Variants in BBS9 observed in about 807,000 individuals in gnomAD.
BBS9 encodes Bardet-Biedl syndrome 9.
A neutral mutation model predicts 117.7 loss-of-function variants in BBS9; 89 were observed. The observed-to-expected ratio is 0.76, with a 90% CI of 0.64 to 0.90. The LOEUF (loss-of-function observed/expected upper bound fraction) is 0.90, where lower values mean the gene tolerates loss of function less well. BBS9 is among the 40% of genes least tolerant of loss of function. BBS9 has a pLI of 0.00. For synonymous variants in BBS9, 379 were observed against 370.9 expected (o/e 1.02, Z -0.25); for missense variants, 982 against 1,042.2 (o/e 0.94, Z 0.80).
chr7:33,164,698 T>C (rs1344188113), intron 4 of BBS9, among the ~76,000 whole-genome samples: 1 of 152,184 alleles, frequency 6.6e-6, no homozygotes, highest in South Asian at 2.1e-4. Context: ...TCTTCCTTTA[T>C]CCTTTTATTT....
At chr7:33,298,853 G>C (rs1018894840) in intron 9 of BBS9, among the ~76,000 whole-genome samples, 48 of 152,282 alleles carry the variant, frequency 3.2e-4, no homozygotes, top group East Asian at 5.8e-4. Flanking sequence ...AGGCGAGGCT[G>C]AACTACTGGT....
chr7:33,269,182 A>G (rs541070662), intron 7 of BBS9, among the ~76,000 whole-genome samples: 1 of 152,172 alleles, frequency 6.6e-6, no homozygotes, highest in Non-Finnish European at 1.5e-5. Flanking sequence ...TCTAAAGTAG[A>G]TGAATACCTA....
chr7:33,621,630 T>C (rs1865410746), intron 21 of BBS9, among the ~76,000 whole-genome samples: 1 of 152,108 alleles, frequency 6.6e-6, no homozygotes, highest in African/African-American at 2.4e-5. Context: ...ATGGAGATTC[T>C]TAAAAAAATT....
At chr7:33,463,647 C>T (rs970040465) in intron 19 of BBS9, among the ~76,000 whole-genome samples, 3 of 151,958 alleles carry the variant, frequency 2.0e-5, no homozygotes, top group Non-Finnish European at 2.9e-5. Flanking sequence ...CTAGTACAAT[C>T]GGGTTTATAG....
intron 4 of BBS9, among the ~76,000 whole-genome samples, chr7:33,166,688 C>G (rs147653089): frequency 6.6e-6 from 1 of 152,348 alleles, no homozygotes; most frequent in Non-Finnish European, 1.5e-5. Context: ...TCCACCTAGC[C>G]AGGCGTGGGA....
At chr7:33,394,598 G>A (rs1219868602) in intron 19 of BBS9, among the ~76,000 whole-genome samples, 2 of 152,108 alleles carry the variant, frequency 1.3e-5, no homozygotes, top group Non-Finnish European at 2.9e-5. Context: ...CATTCTTTTT[G>A]AAAGAATTTT....
chr7:33,476,723 G>C (rs1161095186), intron 19 of BBS9, among the ~76,000 whole-genome samples: 2 of 152,100 alleles, frequency 1.3e-5, no homozygotes, highest in Non-Finnish European at 2.9e-5. Context: ...TACTCAAAAT[G>C]GTTTGTTTTC....
chr7:33,341,865 G>A (rs948741361), intron 11 of BBS9, among the ~76,000 whole-genome samples: 6 of 152,030 alleles, frequency 3.9e-5, no homozygotes, highest in Admixed American at 6.6e-5. Context: ...CACTTGTTAG[G>A]ATGTGATTGA....
intron 19 of BBS9, among the ~76,000 whole-genome samples, chr7:33,397,440 C>A (rs1033704923): frequency 1.3e-5 from 2 of 152,102 alleles, no homozygotes; most frequent in African/African-American, 4.8e-5. Flanking sequence ...GGCAGAAATA[C>A]CATTTGACCG....
intron 19 of BBS9, among the ~76,000 whole-genome samples, chr7:33,488,700 A>T (rs895470668): frequency 6.6e-6 from 1 of 152,210 alleles, no homozygotes; most frequent in African/African-American, 2.4e-5. Flanking sequence ...CTCAAAAAAC[A>T]TGTAATCTAA....
intron 9 of BBS9, among the ~76,000 whole-genome samples, chr7:33,275,961 G>A (rs139487503): frequency 6.0e-4 from 91 of 152,042 alleles, no homozygotes; most frequent in African/African-American, 2.0e-3. Context: ...TTTTATTTTC[G>A]GTACCTGTGA....
rs185226383 is a variant in BBS9 at position 33,191,778 on chromosome 7, G to A, written c.442+14187G>A. On this transcript the variant is annotated intron_variant, in intron 5 of 22. Coordinates refer to ENST00000242067, the MANE Select transcript of BBS9 (RefSeq NM_198428.3). ...TTGGTATGCATAGATATTTAAATTC[G>A]GGGGCATGTCTCAAATTATTTACAG... Among the ~76,000 whole-genome samples the A allele has an allele frequency of 2.6e-4, 39 of 152,162 alleles. 1 individual carries two copies. Among genetic ancestry groups the A allele is most frequent in the African/African-American group, 8.7e-4 (36 of 41,512 alleles).
intron 20 of BBS9, 39 bp downstream of exon 20, chr7:33,505,684 T>A: frequency 6.2e-7 from 1 of 1,605,760 alleles, no homozygotes; most frequent in Non-Finnish European, 8.5e-7. Flanking sequence ...CAGCCAGCAT[T>A]ATTGAAGTTT....
At chr7:33,609,172 G>A (rs1022711511), downstream of BBS9, among the ~76,000 whole-genome samples, 9 of 152,030 alleles carry the variant, frequency 5.9e-5, no homozygotes, top group Admixed American at 3.9e-4. Flanking sequence ...GGCTGTAGGC[G>A]TGTGACTTTA....
In BBS9 at chr7:33,389,613, C is replaced by T. The variant is rs185966494; in HGVS notation, c.2115+1469C>T. On this transcript the variant is annotated intron_variant, in intron 19 of 22. Transcript: ENST00000242067. Reference sequence around the variant, plus strand: ...CTGAGGCAGGGGAATCGGTTGAACCCGGGAGGTGGAGGTTGCAGTGAGCCG... The same window carrying T: ...CTGAGGCAGGGGAATCGGTTGAACCTGGGAGGTGGAGGTTGCAGTGAGCCG... 8.6e-4 allele frequency among the ~76,000 whole-genome samples: 125 copies of T among 145,816 alleles called. No individual in the cohort carries two copies. In the East Asian group the frequency reaches 0.021, roughly 24 times the overall value.
At chr7:33,466,856 T>C (rs1296108882) in intron 19 of BBS9, among the ~76,000 whole-genome samples, 1 of 152,114 alleles carries the variant, frequency 6.6e-6, no homozygotes, top group East Asian at 1.9e-4. Context: ...AGCATGGGTT[T>C]ATTAGAGGCT....
At chr7:33,618,527 T>A (rs1170777820) in intron 21 of BBS9, among the ~76,000 whole-genome samples, 1 of 152,104 alleles carries the variant, frequency 6.6e-6, no homozygotes, top group African/African-American at 2.4e-5. Flanking sequence ...ACTATACTTA[T>A]GATAATTTGG....
At chr7:33,367,075 G>C (rs1821915858) in intron 16 of BBS9, among the ~76,000 whole-genome samples, 1 of 152,074 alleles carries the variant, frequency 6.6e-6, no homozygotes, top group African/African-American at 2.4e-5. Flanking sequence ...TAGATATTTT[G>C]TTTCTTTCAC....
intron 21 of BBS9, among the ~76,000 whole-genome samples, chr7:33,611,601 T>A (rs907270588): frequency 1.1e-4 from 12 of 112,366 alleles, no homozygotes; most frequent in East Asian, 7.8e-4. Context: ...AATAATATTA[T>A]TTAATTAATT....
Sources: allele counts gnomAD v4.1 joint callset (sites outside exome capture counted in the v4.1 genomes callset), GRCh38; gene constraint gnomAD v4.1.1; transcripts MANE v1.5; gene names NCBI Gene and HGNC (gene_info 2026-07-23, HGNC 2026-07-21).